The following WDR7 variants were observed in gnomAD, a reference collection of about 807,000 sequenced individuals.
WDR7 encodes WD repeat-containing protein 7.
Under a neutral mutation model 169.4 loss-of-function variants are expected in WDR7, and 46 were observed. That is an observed-to-expected ratio of 0.27 (90% CI 0.21 to 0.35). WDR7 has a LOEUF of 0.35. Ranked by LOEUF, WDR7 falls within the 10% of genes least tolerant of loss-of-function variation. WDR7 has a pLI of 1.00. For synonymous variants in WDR7, 612 were observed against 666.8 expected, an observed-to-expected ratio of 0.92 and a Z score of 1.27; for missense variants, 1,534 against 1,859.3, an observed-to-expected ratio of 0.83 and a Z score of 3.22.
chr18:56,684,454 A>T (rs1031611440), intron 5 of WDR7, among the ~76,000 whole-genome samples: 17 of 152,346 alleles, frequency 1.1e-4, no homozygotes, highest in African/African-American at 3.8e-4. Flanking sequence ...TTAGTGATTG[A>T]GCCTGGCTGT....
At chr18:56,666,750 A>G (rs575467332) in intron 1 of WDR7, among the ~76,000 whole-genome samples, 116 of 152,270 alleles carry the variant, frequency 7.6e-4, no homozygotes, top group African/African-American at 2.7e-3. Flanking sequence ...GACCCTGGAG[A>G]TCTGTGTTTG....
intron 19 of WDR7, among the ~76,000 whole-genome samples, chr18:56,784,693 G>A (rs941250932): frequency 1.4e-4 from 21 of 152,104 alleles, no homozygotes; most frequent in African/African-American, 4.8e-4. Flanking sequence ...CACAAAAATT[G>A]TAAGAAAATG....
chr18:56,806,099 A>G (rs1410540190), intron 19 of WDR7, among the ~76,000 whole-genome samples: 2 of 152,084 alleles, frequency 1.3e-5, no homozygotes, highest in African/African-American at 4.8e-5. Flanking sequence ...TTCCCATCCT[A>G]AGAAGAGCTG....
chr18:56,975,035 CGA>C (rs1432689615), intron 26 of WDR7, among the ~76,000 whole-genome samples: 2 of 151,882 alleles, frequency 1.3e-5, no homozygotes, highest in Admixed American at 1.3e-4. Flanking sequence ...GTCAGGAGTT[CGA>C]GACCACCCTG....
At chr18:56,889,988 A>G (rs954921068) in intron 21 of WDR7, among the ~76,000 whole-genome samples, 1 of 152,154 alleles carries the variant, frequency 6.6e-6, no homozygotes, top group Middle Eastern at 3.2e-3. Context: ...CTGCCATTAC[A>G]TGGAAAAAGC....
chr18:56,813,388 G>A (rs1184710827), intron 19 of WDR7, among the ~76,000 whole-genome samples: 2 of 151,880 alleles, frequency 1.3e-5, no homozygotes, highest in Non-Finnish European at 2.9e-5. Flanking sequence ...TCACCATTAA[G>A]TGTAATGTTA....
chr18:56,777,047 A>C lies in WDR7; in HGVS notation c.2947+167A>C, dbSNP rs555802103. On this transcript the variant is annotated intron_variant, in intron 17 of 27. Coordinates refer to ENST00000254442, the MANE Select transcript of WDR7 (RefSeq NM_015285.3). The stretch of plus-strand genomic sequence containing the variant: ...TGTCAATGACAAGAACCAGTTTTAA[A>C]AATGTAATGTTACCTCTGGCTGGTA... 2.0e-5 allele frequency among the ~76,000 whole-genome samples: 3 copies of C among 152,356 alleles called. No homozygotes were observed. In the South Asian group the frequency reaches 6.2e-4, roughly 32 times the overall value.
At chr18:56,679,509 G>A (rs959480627) in intron 3 of WDR7, 71 bp downstream of exon 3, 7 of 1,025,030 alleles carry the variant, frequency 6.8e-6, no homozygotes, top group South Asian at 5.7e-5. Flanking sequence ...TGTAAGTAGC[G>A]AGGTATTTTT....
In WDR7 at chr18:56,986,742, T is replaced by A. The variant is rs563305687; in HGVS notation, c.4164+24213T>A. Among the ~76,000 whole-genome samples the A allele has an allele frequency of 1.7e-4, 26 of 151,680 alleles. 1 individual carries two copies. In the East Asian group the frequency reaches 2.1e-3, roughly 12 times the overall value. On this transcript the variant is annotated intron_variant, in intron 26 of 27. Transcript: ENST00000254442. ...ATGACGGGGGAAAATAAAAAAAAAA[T>A]AAAAATAAAAGGCATTCCACTTCTC...
At chr18:56,729,358 A>G (rs1164835228) in intron 13 of WDR7, among the ~76,000 whole-genome samples, 2 of 152,184 alleles carry the variant, frequency 1.3e-5, no homozygotes, top group Non-Finnish European at 2.9e-5. Context: ...ACAAATCTTC[A>G]TGTACAAGAA....
intron 12 of WDR7, 153 bp downstream of exon 12, chr18:56,696,615 T>C (rs1217287538): frequency 2.7e-5 from 19 of 694,616 alleles, no homozygotes; most frequent in Non-Finnish European, 4.3e-5. Flanking sequence ...AATAGTAACA[T>C]TTAGGCAAAG....
At chr18:56,693,423 G>A (rs1357110129) in intron 9 of WDR7, among the ~76,000 whole-genome samples, 1 of 152,040 alleles carries the variant, frequency 6.6e-6, no homozygotes, top group Non-Finnish European at 1.5e-5. Context: ...CCTGGTAGCT[G>A]GTAGCTAACA....
At chr18:56,786,517 G>A (rs375440158) in intron 19 of WDR7, among the ~76,000 whole-genome samples, 13 of 150,930 alleles carry the variant, frequency 8.6e-5, no homozygotes, top group South Asian at 4.2e-4. Flanking sequence ...TGACAGGAGC[G>A]AGACTCTATC....
At chr18:56,807,674 TAA>T (rs199558153) in intron 19 of WDR7, among the ~76,000 whole-genome samples, 14 of 147,544 alleles carry the variant, frequency 9.5e-5, no homozygotes, top group African/African-American at 2.5e-4. Context: ...AGCAGTTTTC[TAA>T]AAAAAAAAAA....
rs763578321 is a variant in WDR7 at position 56,816,067 on chromosome 18, C to T, written c.3227C>T (p.Thr1076Met). 21 of 1,613,456 alleles carry T rather than the reference C, an allele frequency of 1.3e-5. No homozygotes were observed. Among genetic ancestry groups the T allele is most frequent in the Admixed American group, 3.3e-5 (2 of 59,898 alleles). Residue 1076 changes from threonine (T) to methionine (M), a missense_variant, in exon 20 of 28, where the codon ACG (threonine) becomes ATG (methionine). Physicochemically the swap from Thr to Met is moderately conservative, Grantham distance 81. Transcript: ENST00000254442. ...TCAGAAGCCGCGCAGACTATCACCA[C>T]GGCTCCTGATGCCTCAGGGCCTGAA... ...VTSEAAQTIT[T>M]APDASGPEAK...
intron 21 of WDR7, among the ~76,000 whole-genome samples, chr18:56,921,235 A>G (rs2046714786): frequency 6.6e-6 from 1 of 152,234 alleles, no homozygotes; most frequent in Non-Finnish European, 1.5e-5. Context: ...AGAGATAGAC[A>G]GGGAGTTTTA....
rs1243818810 is a variant in WDR7, at chr18:56,695,162, G to A, written c.1321G>A (p.Val441Ile). ...VIVPATQTAIVQLLQGEHMLR... is the reference protein window; with the variant it reads ...VIVPATQTAIIQLLQGEHMLR... ...TGTACCTGCCACACAGACGGCCATAGTACAGCTGTTGCAAGGGGAACACAT... is the reference window on the plus strand; with the variant it reads ...TGTACCTGCCACACAGACGGCCATAATACAGCTGTTGCAAGGGGAACACAT... The change falls in exon 11 of 28, where the codon GTA becomes ATA. Residue 441 changes from valine to isoleucine, a missense_variant. Physicochemically the swap from Val to Ile is conservative, Grantham distance 29. Transcript: ENST00000254442. 3 of 1,614,214 alleles carry A rather than the reference G, an allele frequency of 1.9e-6. No individual in the cohort carries two copies. The highest frequency in any genetic ancestry group is 2.5e-6 in the Non-Finnish European group (3 of 1,180,026).
rs571603624 is a variant in WDR7, at chr18:56,669,098, A to G, written c.-19-3399A>G. Among the ~76,000 whole-genome samples, 3 of 152,242 alleles carry G rather than the reference A, an allele frequency of 2.0e-5. No individual in the cohort carries two copies. The South Asian group carries it at 6.2e-4, about 32-fold the overall frequency. On this transcript the variant is annotated intron_variant, in intron 1 of 27. Transcript: ENST00000254442. ...GATCACATAGAAGGGCCAGGATTTG[A>G]ATATAGGTCATCTGATTGTAGGCCC...
chr18:56,937,875 CAATT>C (rs1430546233), intron 23 of WDR7, among the ~76,000 whole-genome samples: 1 of 152,046 alleles, frequency 6.6e-6, no homozygotes, highest in Non-Finnish European at 1.5e-5. Context: ...ATAACATAAA[CAATT>C]AACACATATT....
Sources: gnomAD v4.1 joint callset for allele counts (sites outside exome capture counted in the v4.1 genomes callset) on GRCh38, gnomAD v4.1.1 for gene constraint, MANE v1.5 for transcripts, NCBI Gene and HGNC (gene_info 2026-07-23, HGNC 2026-07-21) for gene names.